GRIA4: variants seen among roughly 807,000 people sequenced by gnomAD.
GRIA4 encodes glutamate receptor 4.
In GRIA4, 34 loss-of-function variants were observed where a neutral mutation model predicts 104.0. That is an observed-to-expected ratio of 0.33 (90% CI 0.25 to 0.44). GRIA4 has a LOEUF of 0.44. Ranked by LOEUF, GRIA4 falls within the 20% of genes least tolerant of loss-of-function variation. The pLI is 1.00. For synonymous variants in GRIA4, 386 were observed against 381.9 expected (o/e 1.01, Z -0.13); for missense variants, 750 against 1,096.5 (o/e 0.68, Z 4.46).
intron 3 of GRIA4, among the ~76,000 whole-genome samples, chr11:105,726,571 T>C (rs1390875753): frequency 1.3e-5 from 2 of 151,992 alleles, no homozygotes; most frequent in African/African-American, 2.4e-5. Flanking sequence ...CTCAAGTGGG[T>C]CCCTGAACCT....
intron 4 of GRIA4, among the ~76,000 whole-genome samples, chr11:105,833,466 C>A (rs1591321999): frequency 6.6e-6 from 1 of 151,650 alleles, no homozygotes; most frequent in Non-Finnish European, 1.5e-5. Flanking sequence ...CAGACAGATA[C>A]AGATGGTAGG....
chr11:105,789,653 G>A (rs901668359), intron 4 of GRIA4, among the ~76,000 whole-genome samples: 1 of 152,054 alleles, frequency 6.6e-6, no homozygotes, highest in African/African-American at 2.4e-5. Context: ...AAAGTTATTA[G>A]AGTCAATCAT....
At chr11:105,934,864 A>G (rs992778503) in intron 14 of GRIA4, among the ~76,000 whole-genome samples, 3 of 152,116 alleles carry the variant, frequency 2.0e-5, no homozygotes, top group Admixed American at 6.6e-5. Context: ...ATGATCGACA[A>G]ATTACTCTGG....
intron 14 of GRIA4, among the ~76,000 whole-genome samples, chr11:105,963,233 T>C (rs1948784443): frequency 1.3e-5 from 2 of 152,138 alleles, no homozygotes; most frequent in Admixed American, 1.3e-4. Flanking sequence ...TATATACATA[T>C]ATATGTCATT....
chr11:105,808,768 A>C (rs1943056361), intron 4 of GRIA4, among the ~76,000 whole-genome samples: 1 of 152,150 alleles, frequency 6.6e-6, no homozygotes, highest in Non-Finnish European at 1.5e-5. Flanking sequence ...GAAATTTAAA[A>C]TAACTGCTTT....
At chr11:105,977,473 C>G (rs1296267703) in intron 16 of GRIA4, among the ~76,000 whole-genome samples, 2 of 151,944 alleles carry the variant, frequency 1.3e-5, no homozygotes, top group Non-Finnish European at 2.9e-5. Context: ...ATGACTTTAT[C>G]TAACTAATAT....
chr11:105,734,346 T>C (rs1938800505), intron 3 of GRIA4, among the ~76,000 whole-genome samples: 1 of 152,076 alleles, frequency 6.6e-6, no homozygotes, highest in Non-Finnish European at 1.5e-5. Flanking sequence ...TTCTACTCAC[T>C]AAATATGCCT....
chr11:105,841,692 T>G (rs1260928550), intron 4 of GRIA4, among the ~76,000 whole-genome samples: 3 of 152,222 alleles, frequency 2.0e-5, no homozygotes, highest in African/African-American at 4.8e-5. Flanking sequence ...AATAAAGACT[T>G]GGCAAGTCCA....
intron 4 of GRIA4, among the ~76,000 whole-genome samples, chr11:105,795,834 G>C (rs1255180640): frequency 6.6e-6 from 1 of 151,832 alleles, no homozygotes; most frequent in Non-Finnish European, 1.5e-5. Context: ...TGTTGTTATT[G>C]GCATAAACTT....
At chr11:105,929,023 T>C (rs1947798177) in intron 13 of GRIA4, among the ~76,000 whole-genome samples, 2 of 152,110 alleles carry the variant, frequency 1.3e-5, no homozygotes, top group Non-Finnish European at 2.9e-5. Context: ...TAGGTATCTA[T>C]TGTTGCAGAA....
At chr11:105,972,661 G>T (rs912195509) in intron 15 of GRIA4, among the ~76,000 whole-genome samples, 3 of 151,872 alleles carry the variant, frequency 2.0e-5, no homozygotes, top group Non-Finnish European at 4.4e-5. Context: ...TTTAAACAAT[G>T]CAGGAAAAAA....
chr11:105,817,063 ACTG>A (rs1943407455), intron 4 of GRIA4, among the ~76,000 whole-genome samples: 2 of 152,144 alleles, frequency 1.3e-5, no homozygotes, highest in Admixed American at 6.5e-5. Flanking sequence ...CTGAAATCCA[ACTG>A]CTGGGGTTTG....
intron 3 of GRIA4, among the ~76,000 whole-genome samples, chr11:105,738,734 A>C (rs1410020686): frequency 6.6e-6 from 1 of 152,116 alleles, no homozygotes; most frequent in Non-Finnish European, 1.5e-5. Flanking sequence ...TCTCTGGCAT[A>C]AAAAGAATAT....
intron 5 of GRIA4, among the ~76,000 whole-genome samples, chr11:105,873,194 G>A (rs1485083048): frequency 1.3e-5 from 2 of 152,058 alleles, no homozygotes; most frequent in African/African-American, 4.8e-5. Context: ...CTGTTCCTGT[G>A]TTAGTTTGCT....
In GRIA4 at chr11:105,948,600, T is replaced by G. The variant is rs867542795; in HGVS notation, c.2294+14631T>G. Among the ~76,000 whole-genome samples the G allele has an allele frequency of 3.7e-3, 478 of 130,144 alleles. 4 individuals are homozygous for G. Among genetic ancestry groups the G allele is most frequent in the African/African-American group, 0.012 (455 of 36,534 alleles). 85.4% of individuals were successfully genotyped at this position (130,144 alleles called of 152,430 possible). A position where few individuals can be genotyped will look rare whatever the true frequency, so the allele number is the denominator to read the frequency against. On this transcript the variant is annotated intron_variant, in intron 14 of 16. Transcript: ENST00000282499. ...TTTTCTTTTCTTTTCTTTTTGTTTT[T>G]TTTTTTTTTTTTTTTGAGATGGAGT...
chr11:105,874,073 C>T (rs991836455), intron 5 of GRIA4, among the ~76,000 whole-genome samples: 3 of 152,050 alleles, frequency 2.0e-5, no homozygotes, highest in African/African-American at 7.2e-5. Flanking sequence ...GTCTTTAATC[C>T]ATCTTGAGTT....
intron 13 of GRIA4, among the ~76,000 whole-genome samples, chr11:105,932,423 T>C (rs1183884539): frequency 6.6e-6 from 1 of 152,144 alleles, no homozygotes; most frequent in Non-Finnish European, 1.5e-5. Flanking sequence ...ACTCCCAAAA[T>C]GTTGGGATTA....
chr11:105,771,097 C>G (rs1941187892), intron 4 of GRIA4, among the ~76,000 whole-genome samples: 1 of 151,998 alleles, frequency 6.6e-6, no homozygotes, highest in South Asian at 2.1e-4. Context: ...CAAATACCCT[C>G]TATAACTTGT....
intron 9 of GRIA4, among the ~76,000 whole-genome samples, chr11:105,909,324 G>A (rs1211893998): frequency 1.3e-5 from 2 of 152,138 alleles, no homozygotes; most frequent in Admixed American, 1.3e-4. Flanking sequence ...ACAGACCAGT[G>A]AGCAAATGCA....
Sources: gnomAD v4.1 joint callset for allele counts (sites outside exome capture counted in the v4.1 genomes callset) on GRCh38, gnomAD v4.1.1 for gene constraint, MANE v1.5 for transcripts, NCBI Gene and HGNC (gene_info 2026-07-23, HGNC 2026-07-21) for gene names.